PCED1B: variants seen among roughly 807,000 people sequenced by gnomAD.
PCED1B encodes PC-esterase domain-containing protein 1B.
For synonymous variants in PCED1B, 251 were observed against 246.1 expected (o/e 1.02, Z -0.19); for missense variants, 573 against 573.9 (o/e 1.00, Z 0.02).
intron 1 of PCED1B, among the ~76,000 whole-genome samples, chr12:47,087,270 A>G (rs933998871): frequency 6.6e-6 from 1 of 152,228 alleles, no homozygotes. Flanking sequence ...CAGGCTTCTC[A>G]TTTAATTCTT....
At chr12:47,108,655 A>C (rs1447208310) in intron 2 of PCED1B, among the ~76,000 whole-genome samples, 1 of 152,174 alleles carries the variant, frequency 6.6e-6, no homozygotes, top group Non-Finnish European at 1.5e-5. Flanking sequence ...CTTGAGTTTT[A>C]CAACAGAATG....
intron 2 of PCED1B, among the ~76,000 whole-genome samples, chr12:47,193,640 A>G (rs1471196742): frequency 3.9e-5 from 6 of 152,206 alleles, no homozygotes; most frequent in African/African-American, 1.4e-4. Flanking sequence ...CTGCCCACTC[A>G]GCCCTGAGTA....
chr12:47,101,695 C>T (rs1300135395), intron 1 of PCED1B, among the ~76,000 whole-genome samples: 1 of 152,114 alleles, frequency 6.6e-6, no homozygotes, highest in East Asian at 1.9e-4. Flanking sequence ...ACCTGTAATC[C>T]CAGCACTTTG....
chr12:47,136,921 T>G (rs1181130024), intron 2 of PCED1B, among the ~76,000 whole-genome samples: 2 of 152,208 alleles, frequency 1.3e-5, no homozygotes, highest in African/African-American at 4.8e-5. Context: ...GTCACTCCTT[T>G]GCCACGTAAC....
chr12:47,222,471 C>A (rs1485072406), intron 3 of PCED1B, among the ~76,000 whole-genome samples: 1 of 149,648 alleles, frequency 6.7e-6, no homozygotes, highest in Non-Finnish European at 1.5e-5. Context: ...GTGATAGGGG[C>A]CTGCATAGAC....
chr12:47,125,007 C>G (rs1276515156), intron 2 of PCED1B, among the ~76,000 whole-genome samples: 3 of 151,930 alleles, frequency 2.0e-5, no homozygotes, highest in Admixed American at 6.6e-5. Context: ...AGCAGATATT[C>G]TTAATTTTGG....
intron 2 of PCED1B, among the ~76,000 whole-genome samples, chr12:47,148,873 C>A (rs1391205526): frequency 6.6e-6 from 1 of 152,216 alleles, no homozygotes; most frequent in Non-Finnish European, 1.5e-5. Flanking sequence ...CTGTTTTCAA[C>A]ATTTGTCACT....
intron 1 of PCED1B, among the ~76,000 whole-genome samples, chr12:47,089,776 G>GTC (rs1241734768): frequency 1.3e-5 from 2 of 151,352 alleles, no homozygotes; most frequent in African/African-American, 4.9e-5. Flanking sequence ...AATCAGTGAA[G>GTC]TCTCTCTCTT....
rs554591456 is a variant in PCED1B, at chr12:47,160,665, A to G, written c.-525-55557A>G. ...AATCAGTGACAAATCCAATGTTTTG[A>G]TGCTATTTTCATATTTTCTTCTAAG... On this transcript the variant is annotated intron_variant, in intron 2 of 3. Coordinates refer to ENST00000546455, the MANE Select transcript of PCED1B (RefSeq NM_138371.3). Among the ~76,000 whole-genome samples, 40 of 152,160 alleles carry G rather than the reference A, an allele frequency of 2.6e-4. No individual in the cohort carries two copies. In the South Asian group the frequency reaches 6.4e-3, roughly 24 times the overall value.
chr12:47,199,049 T>C (rs550469110), intron 2 of PCED1B, among the ~76,000 whole-genome samples: 1 of 152,150 alleles, frequency 6.6e-6, no homozygotes, highest in South Asian at 2.1e-4. Context: ...GGAACTATTA[T>C]AGTAAGTAAT....
chr12:47,082,631 T>C (rs1937794999), intron 1 of PCED1B, among the ~76,000 whole-genome samples: 1 of 152,246 alleles, frequency 6.6e-6, no homozygotes, highest in African/African-American at 2.4e-5. Flanking sequence ...CACTGAGCTA[T>C]GCGTTTTACA....
At chr12:47,162,170 A>G (rs1026060716) in intron 2 of PCED1B, among the ~76,000 whole-genome samples, 30 of 152,046 alleles carry the variant, frequency 2.0e-4, no homozygotes, top group African/African-American at 6.5e-4. Flanking sequence ...TAAATGATGA[A>G]TTAATGGGTG....
intron 3 of PCED1B, among the ~76,000 whole-genome samples, chr12:47,230,556 C>T (rs111256692): frequency 2.0e-5 from 3 of 152,286 alleles, no homozygotes; most frequent in African/African-American, 7.2e-5. Context: ...GGATCTCCCG[C>T]CTCAGCCTCC....
At chr12:47,114,377 G>A (rs1204175765) in intron 2 of PCED1B, among the ~76,000 whole-genome samples, 1 of 152,146 alleles carries the variant, frequency 6.6e-6, no homozygotes, top group Non-Finnish European at 1.5e-5. Flanking sequence ...CTTAAAAGCA[G>A]AAATATTTGA....
In PCED1B at chr12:47,180,030, G is replaced by C. The variant is rs577145952; in HGVS notation, c.-525-36192G>C. ...ATGTACCATGGTGGTTTGCTACACA[G>C]ATCAACCCATCACCCAGGTATTAAG... On this transcript the variant is annotated intron_variant, in intron 2 of 3. Coordinates refer to ENST00000546455, the MANE Select transcript of PCED1B (RefSeq NM_138371.3). Among the ~76,000 whole-genome samples, 5 of 152,194 alleles carry C rather than the reference G, an allele frequency of 3.3e-5. No homozygotes were observed. In the South Asian group the frequency reaches 1.0e-3, roughly 32 times the overall value.
At chr12:47,202,737 G>GT (rs1158800871) in intron 2 of PCED1B, among the ~76,000 whole-genome samples, 1 of 151,220 alleles carries the variant, frequency 6.6e-6, no homozygotes, top group Admixed American at 6.6e-5. Flanking sequence ...TATATTTACA[G>GT]TTTTTTTATT....
intron 2 of PCED1B, among the ~76,000 whole-genome samples, chr12:47,188,697 G>A (rs1447916137): frequency 2.0e-5 from 3 of 152,176 alleles, no homozygotes; most frequent in East Asian, 1.9e-4. Flanking sequence ...AAATTGAAAC[G>A]TGCAATGTAA....
chr12:47,194,294 C>A (rs1339932165), intron 2 of PCED1B, among the ~76,000 whole-genome samples: 1 of 152,212 alleles, frequency 6.6e-6, no homozygotes, highest in Non-Finnish European at 1.5e-5. Context: ...CCTGCCTCAG[C>A]CTCCTGAATA....
chr12:47,151,139 A>ACT (rs1160512622), intron 2 of PCED1B, among the ~76,000 whole-genome samples: 1 of 150,920 alleles, frequency 6.6e-6, no homozygotes, highest in Non-Finnish European at 1.5e-5. Context: ...TAATATATAC[A>ACT]CACACACACA....
Sources: gnomAD v4.1 joint callset for allele counts (sites outside exome capture counted in the v4.1 genomes callset) on GRCh38, gnomAD v4.1.1 for gene constraint, MANE v1.5 for transcripts, NCBI Gene and HGNC (gene_info 2026-07-23, HGNC 2026-07-21) for gene names.